The following RSPH14 variants were observed in gnomAD, a reference collection of about 807,000 sequenced individuals.
RSPH14 encodes the protein rhabdoid tumor deletion region gene 1.
A neutral mutation model predicts 26.7 loss-of-function variants in RSPH14; 20 were observed. The ratio of observed to expected loss-of-function variants is 0.75; its 90% CI spans 0.53 to 1.09. RSPH14 has a LOEUF of 1.09. Ranked by LOEUF, RSPH14 falls within the 50% of genes least tolerant of loss-of-function variation. The pLI is 0.00. For synonymous variants in RSPH14, 177 were observed against 189.3 expected (o/e 0.93, Z 0.53); for missense variants, 449 against 457.2 (o/e 0.98, Z 0.16).
chr22:23,170,559 G>A, the RSPH14 span, among the ~76,000 whole-genome samples: 1 of 146,082 alleles, frequency 6.8e-6, no homozygotes, highest in Admixed American at 7.0e-5. Context: ...GAGAAGCTTG[G>A]GCAACATGGT....
chr22:23,167,369 G>A, the RSPH14 span, among the ~76,000 whole-genome samples: 3 of 152,314 alleles, frequency 2.0e-5, no homozygotes, highest in Non-Finnish European at 2.9e-5. Flanking sequence ...CAGCCCAGCA[G>A]CCATGGTTGA....
intron 3 of RSPH14, among the ~76,000 whole-genome samples, chr22:23,138,151 G>C (rs186801259): frequency 2.0e-5 from 3 of 152,174 alleles, no homozygotes; most frequent in South Asian, 2.1e-4. Flanking sequence ...ACAGGGACAG[G>C]AGCCAAAGCC....
rs1300869578 is a variant in RSPH14, at chr22:23,138,889, T to C, written c.253A>G (p.Ile85Val). Residue 85 changes from isoleucine (I) to valine (V), a missense_variant, in exon 3 of 7, where the codon ATA becomes GTA. Coordinates refer to ENST00000216036, the MANE Select transcript of RSPH14 (RefSeq NM_014433.3). ...LLKDSNSMVR[I>V]KTTEVLHITA... ...ATGTGGAGCACCTCGGTGGTCTTTA[T>C]GCGCACCATACTGTTGCTATCCTTC... 14 of 1,550,882 alleles carry C rather than the reference T, an allele frequency of 9.0e-6. No individual in the cohort carries two copies. In the Admixed American group the frequency reaches 1.2e-4, roughly 13 times the overall value.
chr22:23,087,879 G>A (rs1448347554), intron 4 of RSPH14, among the ~76,000 whole-genome samples: 1 of 152,208 alleles, frequency 6.6e-6, no homozygotes, highest in Admixed American at 6.5e-5. Context: ...AGTTTAGGGA[G>A]GGTCAGAATC....
At chr22:23,135,317 C>CAAAA (rs55649510) in intron 3 of RSPH14, among the ~76,000 whole-genome samples, 9 of 85,882 alleles carry the variant, frequency 1.0e-4, no homozygotes, top group African/African-American at 3.2e-4. Context: ...ACTAAAAATA[C>CAAAA]AAAAAAAAAA....
intron 4 of RSPH14, among the ~76,000 whole-genome samples, chr22:23,130,141 AAGAAAGAAAGAAAG>A (rs1367010907): frequency 1.1e-4 from 13 of 116,416 alleles, no homozygotes; most frequent in South Asian, 2.6e-4. Flanking sequence ...GAAAGAAAGA[AAGAAAGAAAGAAAG>A]AAAGAAAAAG....
intron 1 of RSPH14, among the ~76,000 whole-genome samples, chr22:23,141,724 G>A (rs1314763358): frequency 6.6e-6 from 1 of 152,264 alleles, no homozygotes; most frequent in Non-Finnish European, 1.5e-5. Context: ...AGTGGGGGCC[G>A]GACTGGGAGG....
the RSPH14 span, chr22:23,161,969 C>G: frequency 1.1e-5 from 2 of 182,496 alleles, no homozygotes; most frequent in African/African-American, 2.4e-5. Context: ...TCCCAGCGAT[C>G]TTGGATGTGT....
chr22:23,072,936 A>C (rs1256754904), intron 4 of RSPH14, among the ~76,000 whole-genome samples: 1 of 152,192 alleles, frequency 6.6e-6, no homozygotes, highest in Non-Finnish European at 1.5e-5. Flanking sequence ...TTTGCAGGTA[A>C]CTGGATTGAC....
intron 6 of RSPH14, among the ~76,000 whole-genome samples, chr22:23,060,386 C>T (rs373074717): frequency 1.3e-5 from 2 of 151,774 alleles, no homozygotes; most frequent in East Asian, 3.9e-4. Flanking sequence ...CAGGAGAATG[C>T]GTGAACCTGG....
intron 4 of RSPH14, among the ~76,000 whole-genome samples, chr22:23,077,394 G>A (rs984186668): frequency 2.6e-5 from 4 of 152,158 alleles, no homozygotes; most frequent in African/African-American, 9.7e-5. Context: ...GCCTCTTTCT[G>A]TACACTGAAG....
At chr22:23,157,965 G>A in the RSPH14 span, 1 of 1,614,098 alleles carries the variant, frequency 6.2e-7, no homozygotes, top group Non-Finnish European at 8.5e-7. Context: ...GGCACTGATT[G>A]GCTGTTGGCT....
the RSPH14 span, chr22:23,180,602 C>CGGG: frequency 5.7e-6 from 1 of 174,512 alleles, no homozygotes; most frequent in Non-Finnish European, 1.1e-5. Flanking sequence ...ACGGCGGCGG[C>CGGG]GGGGCTGTGG....
intron 4 of RSPH14, among the ~76,000 whole-genome samples, chr22:23,090,435 C>G (rs974125342): frequency 1.3e-5 from 2 of 152,160 alleles, no homozygotes; most frequent in Non-Finnish European, 2.9e-5. Flanking sequence ...CATCCAGGAG[C>G]CTCCTCTGGT....
chr22:23,158,158 G>A, the RSPH14 span: 2 of 1,529,420 alleles, frequency 1.3e-6, no homozygotes, highest in Non-Finnish European at 1.8e-6. Context: ...AGTGACCAGG[G>A]CCCCTTGTCA....
At chr22:23,088,465 C>T (rs1213820881) in intron 4 of RSPH14, among the ~76,000 whole-genome samples, 4 of 152,158 alleles carry the variant, frequency 2.6e-5, no homozygotes, top group African/African-American at 7.2e-5. Flanking sequence ...GTACAGGAGC[C>T]GCGGCTGCCT....
At chr22:23,155,037 A>G in the RSPH14 span, among the ~76,000 whole-genome samples, 1 of 152,156 alleles carries the variant, frequency 6.6e-6, no homozygotes, top group Non-Finnish European at 1.5e-5. Flanking sequence ...AGGCAGGAGA[A>G]TTGCTTGAAC....
the RSPH14 span, chr22:23,156,206 C>T: frequency 1.7e-6 from 1 of 584,490 alleles, no homozygotes; most frequent in South Asian, 2.0e-5. Flanking sequence ...CATCCCCAGG[C>T]ACTGGCTGAC....
the RSPH14 span, among the ~76,000 whole-genome samples, chr22:23,177,625 C>T: frequency 6.6e-6 from 1 of 152,038 alleles, no homozygotes; most frequent in Non-Finnish European, 1.5e-5. Context: ...CAGGAAAGGC[C>T]CAGAGGCTCA....
Sources: allele counts gnomAD v4.1 joint callset (sites outside exome capture counted in the v4.1 genomes callset), GRCh38; gene constraint gnomAD v4.1.1; transcripts MANE v1.5; gene names NCBI Gene and HGNC (gene_info 2026-07-23, HGNC 2026-07-21).